TSC22D2: variants seen among roughly 807,000 people sequenced by gnomAD.
TSC22D2 encodes TSC22 domain family member 2.
In TSC22D2, 5 loss-of-function variants were observed where a neutral mutation model predicts 50.1. That is an observed-to-expected ratio of 0.10 (90% CI 0.05 to 0.21). The LOEUF is 0.21. TSC22D2 is among the 10% of genes least tolerant of loss of function. The probability of loss-of-function intolerance (pLI) is 1.00; values close to 1 mark genes in which losing one functional copy is unlikely to be tolerated. For synonymous variants in TSC22D2, 501 were observed against 450.1 expected, an observed-to-expected ratio of 1.11 and a Z score of -1.43; for missense variants, 1,003 against 1,015.5, an observed-to-expected ratio of 0.99 and a Z score of 0.17.
intron 1 of TSC22D2, among the ~76,000 whole-genome samples, chr3:150,441,069 A>G (rs1373841650): frequency 1.3e-5 from 2 of 149,390 alleles, no homozygotes; most frequent in East Asian, 1.9e-4. Context: ...TATATAATAC[A>G]TATAAACATA....
chr3:150,459,586 G>GTTTTTTTTTTTTTTTTTTT lies in TSC22D2; in HGVS notation c.*951_*952insTTTTTTTTTTTTTTTTTTT, dbSNP rs1721314104. The GTTTTTTTTTTTTTTTTTTT allele has an allele frequency of 1.3e-5, 1 of 78,344 alleles. No homozygotes were observed. Among genetic ancestry groups the GTTTTTTTTTTTTTTTTTTT allele is most frequent in the Admixed American group, 1.3e-4 (1 of 7,786 alleles). 4.9% of individuals were successfully genotyped at this position (78,344 alleles called of 1,614,324 possible). A position where few individuals can be genotyped will look rare whatever the true frequency, so the allele number is the denominator to read the frequency against. On this transcript the variant is annotated 3_prime_UTR_variant, in exon 3 of 3. Transcript: ENST00000688009. ...TTTTTTTTGTTGTTTTTTTTTTTTT[G>GTTTTTTTTTTTTTTTTTTT]TCTTTTTTTTTTTTTATAATGCACA...
chr3:150,454,836 T>C (rs1721139621), intron 1 of TSC22D2, among the ~76,000 whole-genome samples: 1 of 152,210 alleles, frequency 6.6e-6, no homozygotes. Context: ...CTTGCAAACC[T>C]GTTTCTTCTG....
At chr3:150,419,941 AC>A (rs1327670636) in intron 1 of TSC22D2, among the ~76,000 whole-genome samples, 1 of 152,196 alleles carries the variant, frequency 6.6e-6, no homozygotes, top group East Asian at 1.9e-4. Context: ...TATCAAATAA[AC>A]TGTTAAAAAG....
Position 150,458,508 on chromosome 3 carries a change from A to G in TSC22D2, c.2143A>G (p.Asn715Asp). The G allele has an allele frequency of 6.2e-7, 1 of 1,614,216 alleles. No homozygotes were observed. The highest frequency in any genetic ancestry group is 8.5e-7 in the Non-Finnish European group (1 of 1,180,036). ...ENALLKSLSS[N>D]DQLSQLPTQQ... ...TGCACTGTTAAAATCTCTTTCAAGC[A>G]ATGATCAATTATCCCAACTCCCAAC... Residue 715 changes from asparagine to aspartate, a missense_variant, in exon 3 of 3, where the codon AAT becomes GAT. This residue lies in a region of TSC22D2 where 54 missense variants were observed against 51.4 expected (regional missense o/e 1.05). Coordinates refer to ENST00000688009, the MANE Select transcript of TSC22D2 (RefSeq NM_001303264.2).
At chr3:150,415,573 G>A (rs1197581129) in intron 1 of TSC22D2, among the ~76,000 whole-genome samples, 7 of 152,234 alleles carry the variant, frequency 4.6e-5, no homozygotes, top group African/African-American at 1.4e-4. Flanking sequence ...CTGGCACTTT[G>A]AGAGACCAAG....
intron 1 of TSC22D2, among the ~76,000 whole-genome samples, chr3:150,432,306 T>A (rs1188024736): frequency 6.6e-6 from 1 of 152,152 alleles, no homozygotes; most frequent in Non-Finnish European, 1.5e-5. Flanking sequence ...TAAACCTAAG[T>A]CACCCCAGCC....
intron 1 of TSC22D2, among the ~76,000 whole-genome samples, chr3:150,431,498 A>G (rs1194244669): frequency 6.6e-6 from 1 of 152,128 alleles, no homozygotes; most frequent in Non-Finnish European, 1.5e-5. Context: ...TTAATTAAAC[A>G]GTTGTCTTTT....
intron 1 of TSC22D2, among the ~76,000 whole-genome samples, chr3:150,434,440 A>T (rs1311496662): frequency 2.0e-5 from 3 of 152,108 alleles, no homozygotes; most frequent in Non-Finnish European, 4.4e-5. Flanking sequence ...ACTGTGTCCA[A>T]CCCAAATATT....
chr3:150,445,636 C>T (rs1403841232), intron 1 of TSC22D2, among the ~76,000 whole-genome samples: 1 of 152,032 alleles, frequency 6.6e-6, no homozygotes, highest in African/African-American at 2.4e-5. Context: ...CAAATTGATC[C>T]AAATGATAAA....
chr3:150,410,765 C>T lies in TSC22D2; in HGVS notation c.1415C>T (p.Pro472Leu). 5.0e-6 allele frequency: 8 copies of T among 1,610,182 alleles called. No homozygotes were observed. Among genetic ancestry groups the T allele is most frequent in the Non-Finnish European group, 6.8e-6 (8 of 1,178,664 alleles). ...VGGVVQPCLG[P>L]AGAGQPQSVP... is the part of the protein sequence containing the mutation. ...GGCGTGGTGCAGCCGTGCCTCGGTC[C>T]TGCCGGGGCTGGGCAGCCCCAGTCC... is the stretch of plus-strand genomic sequence containing the variant. Residue 472 changes from proline (P) to leucine (L), a missense_variant, in exon 1 of 3, where the codon CCT (proline) becomes CTT (leucine). Pro to Leu is a moderately conservative substitution (Grantham distance 98). Coordinates refer to ENST00000688009, the MANE Select transcript of TSC22D2 (RefSeq NM_001303264.2).
At chr3:150,443,735 G>A (rs4323025) in intron 1 of TSC22D2, among the ~76,000 whole-genome samples, 114,847 of 152,078 alleles carry the variant, frequency 0.76, 43,729 homozygotes, top group South Asian at 0.84. Context: ...TTTTGATTCA[G>A]TAGAGAGTGA....
chr3:150,448,976 A>G (rs1365486110), intron 1 of TSC22D2, among the ~76,000 whole-genome samples: 1 of 151,924 alleles, frequency 6.6e-6, no homozygotes, highest in Non-Finnish European at 1.5e-5. Context: ...TTTACCACAA[A>G]TTTTTACCAT....
chr3:150,435,047 G>A (rs1397546770), intron 1 of TSC22D2, among the ~76,000 whole-genome samples: 5 of 151,916 alleles, frequency 3.3e-5, no homozygotes, highest in East Asian at 1.9e-4. Context: ...GCACGATCTC[G>A]GCTCACTGCA....
In TSC22D2 at chr3:150,461,411, C is replaced by T. The variant is rs1559854392; in HGVS notation, c.*2775C>T. The T allele has an allele frequency of 6.6e-6, 1 of 152,190 alleles. No homozygotes were observed. Among genetic ancestry groups the T allele is most frequent in the Admixed American group, 6.5e-5 (1 of 15,284 alleles). 9.4% of individuals were successfully genotyped at this position (152,190 alleles called of 1,614,324 possible). A position where few individuals can be genotyped will look rare whatever the true frequency, so the allele number is the denominator to read the frequency against. ...ATCCCAATTTGGAGGCACAGTCTTA[C>T]AGGAATGCCATCTATCTAATTCTGT... is the stretch of plus-strand genomic sequence containing the variant. On this transcript the variant is annotated 3_prime_UTR_variant, in exon 3 of 3. Coordinates refer to ENST00000688009, the MANE Select transcript of TSC22D2 (RefSeq NM_001303264.2).
At chr3:150,457,012 T>C in intron 1 of TSC22D2, 64 bp from the exon 2 acceptor site, 1 of 1,411,680 alleles carries the variant, frequency 7.1e-7, no homozygotes, top group Non-Finnish European at 1.0e-6. Context: ...TCTTTTACAT[T>C]CTTTTAAGAG....
chr3:150,428,594 TAAA>T (rs34028047), intron 1 of TSC22D2, among the ~76,000 whole-genome samples: 6 of 138,486 alleles, frequency 4.3e-5, no homozygotes, highest in East Asian at 4.1e-4. Context: ...CTGGGTATAG[TAAA>T]AAAAAAAAAA....
chr3:150,435,062 C>T (rs1315924142), intron 1 of TSC22D2, among the ~76,000 whole-genome samples: 1 of 152,196 alleles, frequency 6.6e-6, no homozygotes, highest in Non-Finnish European at 1.5e-5. Context: ...ACTGCAACCT[C>T]TGCCTCCCGG....
At chr3:150,421,692 T>TA (rs952681441) in intron 1 of TSC22D2, among the ~76,000 whole-genome samples, 2 of 152,180 alleles carry the variant, frequency 1.3e-5, no homozygotes, top group Admixed American at 1.3e-4. Flanking sequence ...CTTTTTTTTT[T>TA]ATTGTACTAA....
chr3:150,410,057 A>C lies in TSC22D2; in HGVS notation c.707A>C (p.His236Pro). The C allele has an allele frequency of 6.2e-7, 1 of 1,613,020 alleles. No individual in the cohort carries two copies. The highest frequency in any genetic ancestry group is 8.5e-7 in the Non-Finnish European group (1 of 1,179,984). The change falls in exon 1 of 3, where the codon CAC (histidine) becomes CCC (proline). Residue 236 changes from histidine (H) to proline (P), a missense_variant. By Grantham distance (77) the His-to-Pro change is moderately conservative (BLOSUM62 -2). Coordinates refer to ENST00000688009, the MANE Select transcript of TSC22D2 (RefSeq NM_001303264.2). ...VVVVASMQGAHGPESGTDSSL... is the reference protein window; with the variant it reads ...VVVVASMQGAPGPESGTDSSL... ...GTAGTGGCCTCCATGCAGGGGGCGC[A>C]CGGGCCCGAGTCGGGAACTGACAGC...
Sources: gnomAD v4.1 joint callset for allele counts (sites outside exome capture counted in the v4.1 genomes callset) on GRCh38, gnomAD v4.1.1 for gene constraint, gnomAD v4.1.1 regional missense constraint, MANE v1.5 for transcripts, NCBI Gene and HGNC (gene_info 2026-07-23, HGNC 2026-07-21) for gene names.